PCSK6: variants seen among roughly 807,000 people sequenced by gnomAD.
PCSK6 encodes paired basic amino acid cleaving enzyme 4.
Under a neutral mutation model 123.3 loss-of-function variants are expected in PCSK6, and 85 were observed. The observed-to-expected ratio is 0.69, with a 90% CI of 0.58 to 0.83. The LOEUF is 0.83. Among genes scored for constraint, PCSK6 ranks in the 40% least tolerant of loss-of-function variants. The pLI is 0.00. For synonymous variants in PCSK6, 508 were observed against 516.0 expected (o/e 0.98, Z 0.21); for missense variants, 1,191 against 1,282.3 (o/e 0.93, Z 1.09).
intron 18 of PCSK6, among the ~76,000 whole-genome samples, chr15:101,321,443 G>C (rs1163334478): frequency 1.3e-5 from 2 of 152,182 alleles, no homozygotes; most frequent in Non-Finnish European, 2.9e-5. Context: ...GTGCCTCCTG[G>C]GGAAACTTCA....
intron 9 of PCSK6, among the ~76,000 whole-genome samples, chr15:101,387,705 C>CTGGGGGT (rs2042105478): frequency 6.8e-6 from 1 of 146,176 alleles, no homozygotes; most frequent in African/African-American, 2.5e-5. Flanking sequence ...TGTCTGGGGG[C>CTGGGGGT]CCTCCCCAGA....
At chr15:101,317,354 G>A (rs952188330) in intron 19 of PCSK6, among the ~76,000 whole-genome samples, 1 of 152,204 alleles carries the variant, frequency 6.6e-6, no homozygotes, top group African/African-American at 2.4e-5. Context: ...GACTGATGGT[G>A]CACTTCAACT....
intron 1 of PCSK6, among the ~76,000 whole-genome samples, chr15:101,465,185 C>A (rs2057428824): frequency 6.6e-6 from 1 of 152,184 alleles, no homozygotes; most frequent in South Asian, 2.1e-4. Context: ...GTGTGGTGAG[C>A]CTGTCCTCAG....
At chr15:101,406,062 C>G (rs1350019903) in intron 6 of PCSK6, among the ~76,000 whole-genome samples, 1 of 152,212 alleles carries the variant, frequency 6.6e-6, no homozygotes, top group Non-Finnish European at 1.5e-5. Flanking sequence ...TAATTTATAT[C>G]TCGACTTTCC....
chr15:101,418,644 C>T (rs1448507625), intron 6 of PCSK6, among the ~76,000 whole-genome samples: 1 of 151,718 alleles, frequency 6.6e-6, no homozygotes, highest in Admixed American at 6.6e-5. Flanking sequence ...TCCCGAGTAG[C>T]TGGGATTACA....
At chr15:101,400,718 T>C (rs775850042) in intron 6 of PCSK6, among the ~76,000 whole-genome samples, 24 of 152,332 alleles carry the variant, frequency 1.6e-4, no homozygotes, top group African/African-American at 2.2e-4. Context: ...CCCTAACACA[T>C]ACATTTCAAA....
chr15:101,360,558 G>GAACGCTTTGCTT (rs1567164230), intron 13 of PCSK6, among the ~76,000 whole-genome samples: 6 of 125,208 alleles, frequency 4.8e-5, no homozygotes, highest in African/African-American at 1.4e-4. Context: ...AGCATCCCCT[G>GAACGCTTTGCTT]GAACACACCA....
chr15:101,380,299 G>A (rs2041879374), intron 11 of PCSK6, among the ~76,000 whole-genome samples: 1 of 152,234 alleles, frequency 6.6e-6, no homozygotes, highest in Non-Finnish European at 1.5e-5. Flanking sequence ...ATTTCTGGCA[G>A]GAGAAGAATG....
chr15:101,397,143 A>G (rs1216909245), intron 7 of PCSK6, among the ~76,000 whole-genome samples: 2 of 152,212 alleles, frequency 1.3e-5, no homozygotes, highest in South Asian at 2.1e-4. Flanking sequence ...TCGGCAGGGC[A>G]GCAGGGCTAG....
chr15:101,394,605 G>T (rs2042347134), intron 7 of PCSK6, among the ~76,000 whole-genome samples: 1 of 152,152 alleles, frequency 6.6e-6, no homozygotes, highest in Non-Finnish European at 1.5e-5. Context: ...ACAAACAGAG[G>T]AAATTTATAC....
intron 6 of PCSK6, among the ~76,000 whole-genome samples, chr15:101,400,900 T>G (rs2042566898): frequency 6.6e-6 from 1 of 152,214 alleles, no homozygotes; most frequent in African/African-American, 2.4e-5. Flanking sequence ...GTTTTGAAGG[T>G]TCAGGTTTCC....
chr15:101,475,195 G>T (rs1336223795), intron 1 of PCSK6, among the ~76,000 whole-genome samples: 5 of 152,316 alleles, frequency 3.3e-5, no homozygotes, highest in Admixed American at 2.6e-4. Context: ...TCTATTTTAG[G>T]TGGGGACTTT....
chr15:101,360,538 C>T (rs1429550847), intron 13 of PCSK6, among the ~76,000 whole-genome samples: 2 of 117,164 alleles, frequency 1.7e-5, no homozygotes, highest in Non-Finnish European at 3.7e-5. Context: ...CACTCCTGCC[C>T]GGGGGCCTTA....
At chr15:101,389,372 C>G in intron 9 of PCSK6, 92 bp downstream of exon 9, 1 of 960,542 alleles carries the variant, frequency 1.0e-6, no homozygotes, top group Non-Finnish European at 1.7e-6. Flanking sequence ...CTGAGCTGTC[C>G]ACTTCAATAG....
At chr15:101,426,882 C>G (rs1026992266) in intron 6 of PCSK6, among the ~76,000 whole-genome samples, 3 of 151,932 alleles carry the variant, frequency 2.0e-5, no homozygotes, top group African/African-American at 7.3e-5. Flanking sequence ...GGCAGTGCCC[C>G]CCCGGGAAGG....
chr15:101,464,042 AG>A (rs2057399275), intron 1 of PCSK6, among the ~76,000 whole-genome samples: 1 of 152,138 alleles, frequency 6.6e-6, no homozygotes. Flanking sequence ...AAGTGTCCGC[AG>A]GGCAGGGAAG....
rs190476402 is a variant in PCSK6 at position 101,317,208 on chromosome 15, G to A, written c.2569+1111C>T. ...ATTACAGGCATGAACCACTGTGCCC[G>A]GCCAGTAGAGACTTAATTCTTAAAG... On this transcript the variant is annotated intron_variant, in intron 19 of 21. Transcript: ENST00000611716. Among the ~76,000 whole-genome samples, 27 of 152,196 alleles carry A rather than the reference G, an allele frequency of 1.8e-4. No individual in the cohort carries two copies. The East Asian group carries it at 2.1e-3, about 12-fold the overall frequency.
At chr15:101,354,632 G>C (rs1425941462) in intron 13 of PCSK6, among the ~76,000 whole-genome samples, 1 of 152,232 alleles carries the variant, frequency 6.6e-6, no homozygotes, top group Non-Finnish European at 1.5e-5. Flanking sequence ...CGGAAGAAAT[G>C]TTTCCCATAC....
At chr15:101,417,942 C>T (rs1383058142) in intron 6 of PCSK6, among the ~76,000 whole-genome samples, 1 of 151,354 alleles carries the variant, frequency 6.6e-6, no homozygotes, top group Admixed American at 6.6e-5. Flanking sequence ...TATTGTATGA[C>T]ACTGAGGTGA....
Sources: gnomAD v4.1 joint callset for allele counts (sites outside exome capture counted in the v4.1 genomes callset) on GRCh38, gnomAD v4.1.1 for gene constraint, MANE v1.5 for transcripts, NCBI Gene and HGNC (gene_info 2026-07-23, HGNC 2026-07-21) for gene names.